C1QTNF3: variants seen among roughly 807,000 people sequenced by gnomAD.
C1QTNF3 encodes complement C1q tumor necrosis factor-related protein 3.
In C1QTNF3, 26 loss-of-function variants were observed where a neutral mutation model predicts 32.6. The ratio of observed to expected loss-of-function variants is 0.80; its 90% CI spans 0.58 to 1.11. C1QTNF3 has a LOEUF of 1.11. Among genes scored for constraint, C1QTNF3 ranks in the 50% least tolerant of loss-of-function variants. The pLI is 0.00. For missense variants in C1QTNF3, 362 were observed against 398.2 expected (o/e 0.91, Z 0.77); for synonymous variants, 155 against 146.0 (o/e 1.06, Z -0.44).
chr5:34,035,746 C>T lies in C1QTNF3; in HGVS notation c.316G>A (p.Gly106Arg), dbSNP rs144925287. The T allele has an allele frequency of 9.9e-5, 159 of 1,611,944 alleles. No individual in the cohort carries two copies. The African/African-American group carries it at 1.0e-3, about 10-fold the overall frequency. The change falls in exon 2 of 6, where the codon GGA (glycine) becomes AGA (arginine). Residue 106 changes from glycine (G) to arginine (R), a missense_variant. Gly to Arg is a moderately radical substitution (Grantham distance 125). Transcript: ENST00000382065. ...TTACTGCAGTCTGGGGGTAGTCCTCCGGTTTGTGGAGACTAAAAAGACAGA... is the reference window on the plus strand; with the variant it reads ...TTACTGCAGTCTGGGGGTAGTCCTCTGGTTTGTGGAGACTAAAAAGACAGA... Reference protein sequence around the residue: ...TTFWGQSPQTGGLPPDCSKCC... With the variant: ...TTFWGQSPQTRGLPPDCSKCC...
At chr5:34,189,650 A>G in the C1QTNF3 span, 1 of 560,350 alleles carries the variant, frequency 1.8e-6, no homozygotes, top group African/African-American at 1.9e-5. Context: ...TCGAGAGTTC[A>G]AGTATCCGAC....
At chr5:34,196,713 G>A in the C1QTNF3 span, among the ~76,000 whole-genome samples, 1 of 141,780 alleles carries the variant, frequency 7.1e-6, no homozygotes, top group East Asian at 2.0e-4. Flanking sequence ...AGGCTGGAGT[G>A]CAGTGGCGCC....
chr5:34,021,004 A>G (rs956459046), intron 5 of C1QTNF3, among the ~76,000 whole-genome samples: 83 of 152,158 alleles, frequency 5.5e-4, no homozygotes, highest in Non-Finnish European at 1.1e-3. Flanking sequence ...CCATATGTTG[A>G]ATACTGGGTT....
chr5:34,111,549 A>AT, the C1QTNF3 span, among the ~76,000 whole-genome samples: 6 of 149,342 alleles, frequency 4.0e-5, no homozygotes, highest in Admixed American at 2.0e-4. Flanking sequence ...TCTATTCCAC[A>AT]TTTTTTTTAG....
chr5:34,059,519 C>T, the C1QTNF3 span, among the ~76,000 whole-genome samples: 6 of 152,148 alleles, frequency 3.9e-5, no homozygotes, highest in African/African-American at 1.4e-4. Context: ...GCTTCCTGGT[C>T]TATAGACAGC....
the C1QTNF3 span, among the ~76,000 whole-genome samples, chr5:34,197,467 T>C: frequency 6.6e-6 from 1 of 152,220 alleles, no homozygotes; most frequent in Non-Finnish European, 1.5e-5. Flanking sequence ...GGTCAATCAA[T>C]GGTAAATATT....
In C1QTNF3 at chr5:34,024,194, A is replaced by G. The variant is rs1489265299; in HGVS notation, c.701-186T>C. On this transcript the variant is annotated intron_variant, in intron 4 of 5. Transcript: ENST00000382065. Reference sequence around the variant, plus strand: ...TCTACTCCCCTTCCAAGTGCTTTCAATGTGTACACTGTGTATCCCGAATAA... The same window carrying G: ...TCTACTCCCCTTCCAAGTGCTTTCAGTGTGTACACTGTGTATCCCGAATAA... The G allele has an allele frequency of 7.1e-6, 4 of 567,348 alleles. No homozygotes were observed. In the East Asian group the frequency reaches 9.1e-5, roughly 13 times the overall value. The allele number at this position is 567,348 out of a possible 1,614,324, so 35.1% of individuals were successfully genotyped here. A position where few individuals can be genotyped will look rare whatever the true frequency, so the allele number is the denominator to read the frequency against.
chr5:34,239,373 A>T, the C1QTNF3 span: 1 of 152,200 alleles, frequency 6.6e-6, no homozygotes. Context: ...TGCAAGGCTC[A>T]CCATCTGTAG....
At chr5:34,078,020 G>C in the C1QTNF3 span, among the ~76,000 whole-genome samples, 1 of 151,518 alleles carries the variant, frequency 6.6e-6, no homozygotes, top group Non-Finnish European at 1.5e-5. This position sits in a 1 kb window ranked among gnomAD's most constrained non-coding sequence, Gnocchi z 4.0. Flanking sequence ...CTCAGATACT[G>C]ACCATGGACT....
the C1QTNF3 span, among the ~76,000 whole-genome samples, chr5:34,140,604 T>C: frequency 1.7e-4 from 26 of 152,358 alleles, no homozygotes; most frequent in African/African-American, 5.8e-4. Context: ...CTTGTTAGGA[T>C]GGATAACTTT....
chr5:34,216,399 G>A, the C1QTNF3 span, among the ~76,000 whole-genome samples: 2 of 152,178 alleles, frequency 1.3e-5, no homozygotes, highest in African/African-American at 4.8e-5. Flanking sequence ...TAGTTATGAT[G>A]TTTTGTGTAC....
At chr5:34,048,143 T>G (rs536559364), upstream of C1QTNF3, among the ~76,000 whole-genome samples, 1 of 152,244 alleles carries the variant, frequency 6.6e-6, no homozygotes, top group African/African-American at 2.4e-5. Context: ...TAATGAAAAA[T>G]ATAACTCTCA....
chr5:34,220,611 T>G, the C1QTNF3 span, among the ~76,000 whole-genome samples: 2 of 152,062 alleles, frequency 1.3e-5, no homozygotes, highest in Admixed American at 6.6e-5. Context: ...GTGTACTTTC[T>G]AAGTATGGAA....
At chr5:34,184,715 C>A in the C1QTNF3 span, among the ~76,000 whole-genome samples, 543 of 128,140 alleles carry the variant, frequency 4.2e-3, no homozygotes, top group Middle Eastern at 8.4e-3. Flanking sequence ...GACTCTGTCT[C>A]AAAAAAAAAA....
chr5:34,124,456 C>A, the C1QTNF3 span: 1 of 716,344 alleles, frequency 1.4e-6, no homozygotes, highest in Non-Finnish European at 2.6e-6. Flanking sequence ...TTAGTCATGG[C>A]AGAAAGTGAG....
chr5:34,136,236 T>C, the C1QTNF3 span, among the ~76,000 whole-genome samples: 3 of 152,388 alleles, frequency 2.0e-5, no homozygotes, highest in Middle Eastern at 6.8e-3. Flanking sequence ...GAGAACATTT[T>C]TGCAATCTAC....
chr5:34,060,823 G>C, the C1QTNF3 span, among the ~76,000 whole-genome samples: 1 of 152,126 alleles, frequency 6.6e-6, no homozygotes, highest in African/African-American at 2.4e-5. Flanking sequence ...TGAGATTTGG[G>C]TGGGAACACA....
the C1QTNF3 span, among the ~76,000 whole-genome samples, chr5:34,195,562 C>T: frequency 1.3e-5 from 2 of 152,212 alleles, no homozygotes; most frequent in African/African-American, 4.8e-5. Context: ...ATATGATAGG[C>T]CGGGCGCGGT....
the C1QTNF3 span, among the ~76,000 whole-genome samples, chr5:34,183,808 T>C: frequency 8.5e-5 from 13 of 152,352 alleles, no homozygotes; most frequent in African/African-American, 2.9e-4. Flanking sequence ...ATCAGTAATA[T>C]TTCCTAGATA....
Sources: gnomAD v4.1 joint callset for allele counts (sites outside exome capture counted in the v4.1 genomes callset) on GRCh38, gnomAD v4.1.1 for gene constraint, Gnocchi (gnomAD v3.1) non-coding constraint, MANE v1.5 for transcripts, NCBI Gene and HGNC (gene_info 2026-07-23, HGNC 2026-07-21) for gene names.